SYPL1: variants seen among roughly 807,000 people sequenced by gnomAD.
The protein encoded by SYPL1 is synaptophysin like 1.
In SYPL1, 6 loss-of-function variants were observed where a neutral mutation model predicts 23.7. The observed-to-expected ratio is 0.25, with a 90% CI of 0.14 to 0.50. The LOEUF (loss-of-function observed/expected upper bound fraction) is 0.50, where lower values mean the gene tolerates loss of function less well. SYPL1 is among the 20% of genes least tolerant of loss of function. SYPL1 has a pLI of 0.98. For synonymous variants in SYPL1, 102 were observed against 104.5 expected (o/e 0.98, Z 0.15); for missense variants, 253 against 288.9 (o/e 0.88, Z 0.90).
At chr7:106,107,261 A>G (rs176498) in intron 1 of SYPL1, among the ~76,000 whole-genome samples, 151,487 of 152,338 alleles carry the variant, frequency 0.99, 75,326 homozygotes, top group Middle Eastern at 1. Flanking sequence ...GTCAAAGTCC[A>G]AAATGTTTAC....
chr7:106,090,633 G>A lies in SYPL1; in HGVS notation c.*1172C>T, dbSNP rs1018353856. 2 of 152,616 alleles carry A rather than the reference G, an allele frequency of 1.3e-5. No homozygotes were observed. Among genetic ancestry groups the A allele is most frequent in the African/African-American group, 4.8e-5 (2 of 41,454 alleles). The allele number at this position is 152,616 out of a possible 1,614,324, so 9.5% of individuals were successfully genotyped here. On this transcript the variant is annotated 3_prime_UTR_variant, in exon 5 of 5. Coordinates refer to ENST00000455385, the MANE Select transcript of SYPL1 (RefSeq NM_182715.4). ...ATGTGCTTCACATATAAACAATCAT[G>A]TTGTAAGAATAAGAAACCTGAATCC...
At position 106,097,954 on chromosome 7, in the gene SYPL1, A is replaced by G; in HGVS notation, c.195-57T>C. ...TTCCCAACAGAGACAGAAACATTTA[A>G]GCAAAACAATGAGTGACACTTCAAA... is the stretch of plus-strand genomic sequence containing the variant. On this transcript the variant is annotated intron_variant, in intron 2 of 4. Coordinates refer to ENST00000455385, the MANE Select transcript of SYPL1 (RefSeq NM_182715.4). The surrounding 1 kb of genome is among the most constrained non-coding windows in gnomAD (Gnocchi z 4.6). 1 of 1,450,112 alleles carries G rather than the reference A, an allele frequency of 6.9e-7. No individual in the cohort carries two copies. The allele number at this position is 1,450,112 out of a possible 1,614,324, so 89.8% of individuals were successfully genotyped here.
intron 1 of SYPL1, among the ~76,000 whole-genome samples, chr7:106,106,068 C>T (rs1023073034): frequency 2.6e-5 from 4 of 152,094 alleles, no homozygotes; most frequent in Non-Finnish European, 4.4e-5. Flanking sequence ...GATCACAAGA[C>T]GGTGGCACAA....
At chr7:106,101,404 A>T (rs1183829770) in intron 1 of SYPL1, among the ~76,000 whole-genome samples, 3 of 126,240 alleles carry the variant, frequency 2.4e-5, no homozygotes, top group African/African-American at 9.3e-5. Context: ...AATCCACATT[A>T]TAGTAATTGT....
Position 106,104,206 on chromosome 7 carries a change from T to G in SYPL1, c.70-4924A>C, listed in dbSNP as rs1210227646. Among the ~76,000 whole-genome samples, 1 of 152,162 alleles carries G rather than the reference T, an allele frequency of 6.6e-6. No individual in the cohort carries two copies. Among genetic ancestry groups the G allele is most frequent in the Non-Finnish European group, 1.5e-5 (1 of 68,024 alleles). On this transcript the variant is annotated intron_variant, in intron 1 of 4. Transcript: ENST00000455385. This position sits in a 1 kb window ranked among gnomAD's most constrained non-coding sequence, Gnocchi z 4.1. ...TCATAGACATTAACTCTATTATATA[T>G]GAACTCTACTATAGGCATTTTTCTT...
chr7:106,091,344 G>GT lies in SYPL1; in HGVS notation c.*460dup, dbSNP rs886251956. The GT allele has an allele frequency of 1.3e-5, 2 of 152,678 alleles. No individual in the cohort carries two copies. Among genetic ancestry groups the GT allele is most frequent in the African/African-American group, 4.8e-5 (2 of 41,422 alleles). The allele number at this position is 152,678 out of a possible 1,614,324, so 9.5% of individuals were successfully genotyped here. ...TAGATATAAATTTTGAACTCAATAT[G>GT]TTTTTTCCTACATATTTATGTAATC... is the stretch of plus-strand genomic sequence containing the variant. On this transcript the variant is annotated 3_prime_UTR_variant, in exon 5 of 5. Transcript: ENST00000455385. The surrounding 1 kb of genome is among the most constrained non-coding windows in gnomAD (Gnocchi z 5.0).
At chr7:106,112,485 G>T (rs764992362), upstream of SYPL1, 3 of 1,520,424 alleles carry the variant, frequency 2.0e-6, no homozygotes, top group Non-Finnish European at 2.6e-6. Context: ...GCACCTGGCC[G>T]AGTCGACTGA....
At chr7:106,107,394 A>G (rs904154757) in intron 1 of SYPL1, among the ~76,000 whole-genome samples, 7 of 152,230 alleles carry the variant, frequency 4.6e-5, no homozygotes, top group Middle Eastern at 3.2e-3. Flanking sequence ...CTTCTAATGT[A>G]CAATAGTAGA....
intron 1 of SYPL1, chr7:106,111,925 G>C: frequency 4.9e-6 from 2 of 409,748 alleles, no homozygotes; most frequent in Non-Finnish European, 7.2e-6. Flanking sequence ...CCAGGCGGCC[G>C]AGGAGCTCGT....
In SYPL1 at chr7:106,097,727, G is replaced by T. The variant is rs1044673352; in HGVS notation, c.365C>A (p.Thr122Lys). ...TTTACGACTATCCAGATACAGACTC[G>T]TGTAGCCAACATAAAGCAGAAGGGC... is the stretch of plus-strand genomic sequence containing the variant. ...IAALLLYVGYTSLYLDSRKLP... is the reference protein window; with the variant it reads ...IAALLLYVGYKSLYLDSRKLP... Residue 122 changes from threonine (T) to lysine (K), a missense_variant, in exon 3 of 5, where the codon ACG (threonine) becomes AAG (lysine). Physicochemically the swap from Thr to Lys is moderately conservative, Grantham distance 78. Transcript: ENST00000455385. The surrounding 1 kb of genome is among the most constrained non-coding windows in gnomAD (Gnocchi z 4.6). 5.6e-6 allele frequency: 9 copies of T among 1,613,624 alleles called. No homozygotes were observed. Among genetic ancestry groups the T allele is most frequent in the Non-Finnish European group, 7.6e-6 (9 of 1,179,814 alleles).
In SYPL1 at chr7:106,112,261, C is replaced by A; in HGVS notation, c.-53G>T. ...CAGGACGACGGGGCGGAGGAGGGGA[C>A]CGACGAGACCAGAGCAGCCCGGTGG... On this transcript the variant is annotated 5_prime_UTR_variant, in exon 1 of 5. Coordinates refer to ENST00000455385, the MANE Select transcript of SYPL1 (RefSeq NM_182715.4). The A allele has an allele frequency of 6.6e-7, 1 of 1,506,688 alleles. No homozygotes were observed. 93.3% of individuals were successfully genotyped at this position (1,506,688 alleles called of 1,614,324 possible). A position where few individuals can be genotyped will look rare whatever the true frequency, so the allele number is the denominator to read the frequency against.
rs576563078 is a variant in SYPL1, at chr7:106,100,841, C to G, written c.70-1559G>C. On this transcript the variant is annotated intron_variant, in intron 1 of 4. Coordinates refer to ENST00000455385, the MANE Select transcript of SYPL1 (RefSeq NM_182715.4). The surrounding 1 kb of genome is among the most constrained non-coding windows in gnomAD (Gnocchi z 5.1). The stretch of plus-strand genomic sequence containing the variant: ...TCAAAACCCTCCAATGGCTTTTGAG[C>G]TCTCTATGAATAAAAACCAAAGTTC... 3.3e-5 allele frequency among the ~76,000 whole-genome samples: 5 copies of G among 152,250 alleles called. No homozygotes were observed. Among genetic ancestry groups the G allele is most frequent in the Admixed American group, 3.3e-4 (5 of 15,296 alleles).
Position 106,099,271 on chromosome 7 carries a change from G to C in SYPL1, c.81C>G (p.Ile27Met). 1.2e-6 allele frequency: 2 copies of C among 1,611,220 alleles called. No homozygotes were observed. The highest frequency in any genetic ancestry group is 1.7e-6 in the Non-Finnish European group (2 of 1,179,276). ...AACCTCCACAGGTGGCAAAAGCAAA[G>C]ATAGAAGCAATCTACACAAAGTAAG... is the stretch of plus-strand genomic sequence containing the variant. ...FIKVLEWIAS[I>M]FAFATCGGFK... is the part of the protein sequence containing the mutation. The change falls in exon 2 of 5, where the codon ATC becomes ATG. Residue 27 changes from isoleucine to methionine, a missense_variant. By Grantham distance (10) the Ile-to-Met change is conservative. Transcript: ENST00000455385.
Position 106,104,726 on chromosome 7 carries a change from T to C in SYPL1, c.70-5444A>G, listed in dbSNP as rs971635707. Among the ~76,000 whole-genome samples, 2 of 152,202 alleles carry C rather than the reference T, an allele frequency of 1.3e-5. No homozygotes were observed. The highest frequency in any genetic ancestry group is 4.8e-5 in the African/African-American group (2 of 41,450). On this transcript the variant is annotated intron_variant, in intron 1 of 4. Coordinates refer to ENST00000455385, the MANE Select transcript of SYPL1 (RefSeq NM_182715.4). The surrounding 1 kb of genome is among the most constrained non-coding windows in gnomAD (Gnocchi z 4.1). Reference sequence around the variant, plus strand: ...CATGACAGCAATTCTGGTCTTTATCTTATAGAAAGAAGGGACAAAAGCACA... The same window carrying C: ...CATGACAGCAATTCTGGTCTTTATCCTATAGAAAGAAGGGACAAAAGCACA...
rs947018435 is a variant in SYPL1, at chr7:106,092,932, A to G, written c.591+17T>C. On this transcript the variant is annotated intron_variant, in intron 4 of 4. Coordinates refer to ENST00000455385, the MANE Select transcript of SYPL1 (RefSeq NM_182715.4). ...CAAATATATGAAAGAAAAAAATTAT[A>G]AATAATGCATACATACCACAGATAC... 1.5e-5 allele frequency: 22 copies of G among 1,514,946 alleles called. No homozygotes were observed. Among genetic ancestry groups the G allele is most frequent in the Admixed American group, 2.3e-5 (1 of 42,598 alleles). The allele number at this position is 1,514,946 out of a possible 1,614,324, so 93.8% of individuals were successfully genotyped here. A position where few individuals can be genotyped will look rare whatever the true frequency, so the allele number is the denominator to read the frequency against.
chr7:106,111,154 T>C (rs1335825911), intron 1 of SYPL1, among the ~76,000 whole-genome samples: 9 of 152,228 alleles, frequency 5.9e-5, no homozygotes, highest in Non-Finnish European at 1.0e-4. Flanking sequence ...TAGGTACCCA[T>C]CAGAGAAACT....
In SYPL1 at chr7:106,109,982, G is replaced by T. The variant is rs1455119496; in HGVS notation, c.69+2158C>A. Reference sequence around the variant, plus strand: ...TGGAGGGAGAAATCGATTGATTGAGGAATTATGAGTGCCTAAAATTAGTCG... The same window carrying T: ...TGGAGGGAGAAATCGATTGATTGAGTAATTATGAGTGCCTAAAATTAGTCG... On this transcript the variant is annotated intron_variant, in intron 1 of 4. Transcript: ENST00000455385. The surrounding 1 kb of genome is among the most constrained non-coding windows in gnomAD (Gnocchi z 4.3). Among the ~76,000 whole-genome samples the T allele has an allele frequency of 6.6e-6, 1 of 152,142 alleles. No homozygotes were observed. Among genetic ancestry groups the T allele is most frequent in the East Asian group, 1.9e-4 (1 of 5,170 alleles).
chr7:106,107,139 T>C (rs573729796), intron 1 of SYPL1, among the ~76,000 whole-genome samples: 63 of 152,238 alleles, frequency 4.1e-4, no homozygotes, highest in Non-Finnish European at 6.0e-4. Flanking sequence ...AAAAGAAATG[T>C]ATGCTGGTTT....
chr7:106,092,012 ACT>A, intron 4 of SYPL1, 73 bp from the exon 5 acceptor site: 12 of 1,420,718 alleles, frequency 8.4e-6, no homozygotes, highest in Non-Finnish European at 1.1e-5. Context: ...TAAAAATCTC[ACT>A]TTTTCTTTAA....
Sources: allele counts gnomAD v4.1 joint callset (sites outside exome capture counted in the v4.1 genomes callset), GRCh38; gene constraint gnomAD v4.1.1; non-coding constraint Gnocchi (gnomAD v3.1); transcripts MANE v1.5; gene names NCBI Gene and HGNC (gene_info 2026-07-23, HGNC 2026-07-21).